Variants in NT5E observed in about 807,000 individuals in gnomAD.
NT5E encodes 5'-nucleotidase ecto.
NT5E carries 53 observed loss-of-function variants against 55.1 expected under a neutral mutation model. The ratio of observed to expected loss-of-function variants is 0.96; its 90% CI spans 0.77 to 1.21. NT5E has a LOEUF of 1.21. Ranked by LOEUF, NT5E falls within the 50% of genes most tolerant of loss-of-function variation. The probability of loss-of-function intolerance (pLI) is 0.00; values close to 1 mark genes in which losing one functional copy is unlikely to be tolerated. For missense variants in NT5E, 683 were observed against 724.3 expected, an observed-to-expected ratio of 0.94 and a Z score of 0.65; for synonymous variants, 270 against 278.4, an observed-to-expected ratio of 0.97 and a Z score of 0.30.
chr6:85,470,381 A>G (rs1562139659), intron 2 of NT5E, among the ~76,000 whole-genome samples: 1 of 152,218 alleles, frequency 6.6e-6, no homozygotes, highest in Non-Finnish European at 1.5e-5. Context: ...TCCCAGTGCC[A>G]GCAACATTTA....
chr6:85,471,000 A>C (rs913511802), intron 2 of NT5E, among the ~76,000 whole-genome samples: 3 of 152,254 alleles, frequency 2.0e-5, no homozygotes, highest in African/African-American at 7.2e-5. Flanking sequence ...AAGTTCAAGC[A>C]AAACAATATC....
chr6:85,471,132 A>G (rs1160382640), intron 2 of NT5E, 105 bp from the exon 3 acceptor site: 1 of 726,422 alleles, frequency 1.4e-6, no homozygotes, highest in Non-Finnish European at 2.2e-6. Context: ...CTGACTCTTG[A>G]GCTTTAGTAA....
rs929682681 is a variant in NT5E at position 85,469,038 on chromosome 6, G to A, written c.562+1756G>A. ...CGGCCTGGTGTGGGTTCTTCCTACA[G>A]TTCTTTGACCCTAATCAAGCCCAGT... On this transcript the variant is annotated intron_variant, in intron 2 of 8. Coordinates refer to ENST00000257770, the MANE Select transcript of NT5E (RefSeq NM_002526.4). Among the ~76,000 whole-genome samples the A allele has an allele frequency of 2.6e-5, 4 of 152,242 alleles. No individual in the cohort carries two copies. The South Asian group carries it at 8.3e-4, about 32-fold the overall frequency.
intron 3 of NT5E, among the ~76,000 whole-genome samples, chr6:85,473,935 A>G (rs1474869463): frequency 6.6e-6 from 1 of 152,196 alleles, no homozygotes; most frequent in Non-Finnish European, 1.5e-5. Flanking sequence ...ACAATTAGTC[A>G]TTCATAGCCT....
In NT5E at chr6:85,476,903, G is replaced by A. The variant is rs144869765; in HGVS notation, c.751+5478G>A. ...GGGTTTTTATGGGGACAGGATGGGGGGCAGGGCGGGCCAGGGTGATTTTGG... is the reference window on the plus strand; with the variant it reads ...GGGTTTTTATGGGGACAGGATGGGGAGCAGGGCGGGCCAGGGTGATTTTGG... On this transcript the variant is annotated intron_variant, in intron 3 of 8. Transcript: ENST00000257770. Among the ~76,000 whole-genome samples the A allele has an allele frequency of 3.7e-3, 558 of 152,264 alleles. 4 individuals are homozygous for A. The highest frequency in any genetic ancestry group is 0.013 in the African/African-American group (525 of 41,542).
chr6:85,484,054 G>C (rs143338421), intron 3 of NT5E, among the ~76,000 whole-genome samples: 3 of 152,338 alleles, frequency 2.0e-5, no homozygotes, highest in Non-Finnish European at 4.4e-5. Context: ...CCTGCCCCAT[G>C]GGAAGCTTGG....
chr6:85,464,702 G>A lies in NT5E; in HGVS notation c.340-2358G>A, dbSNP rs570605795. ...TGGCAGCAATATAAAGAATAGTTTA[G>A]CAAAAGAAATGAGAATAGCTGGAAA... On this transcript the variant is annotated intron_variant, in intron 1 of 8. Coordinates refer to ENST00000257770, the MANE Select transcript of NT5E (RefSeq NM_002526.4). 2.6e-5 allele frequency among the ~76,000 whole-genome samples: 4 copies of A among 152,294 alleles called. No individual in the cohort carries two copies. In the South Asian group the frequency reaches 8.3e-4, roughly 32 times the overall value.
At chr6:85,458,711 G>A (rs1769034706) in intron 1 of NT5E, among the ~76,000 whole-genome samples, 1 of 152,092 alleles carries the variant, frequency 6.6e-6, no homozygotes, top group South Asian at 2.1e-4. Flanking sequence ...GAGCCCTCTA[G>A]CCCCTCAGAG....
intron 6 of NT5E, 26 bp downstream of exon 6, chr6:85,489,625 G>GAGAGAGAACATGACACAC: frequency 6.7e-7 from 1 of 1,498,204 alleles, no homozygotes; most frequent in Non-Finnish European, 9.3e-7. Context: ...CAGCTCCTCA[G>GAGAGAGAACATGACACAC]TGTGTCATGT....
intron 3 of NT5E, among the ~76,000 whole-genome samples, chr6:85,481,940 A>G (rs1426530640): frequency 6.6e-6 from 1 of 152,260 alleles, no homozygotes; most frequent in Admixed American, 6.5e-5. Flanking sequence ...ACCTAGGCAC[A>G]AGATAGTAGT....
chr6:85,475,467 A>T (rs753911052), intron 3 of NT5E, among the ~76,000 whole-genome samples: 38 of 152,380 alleles, frequency 2.5e-4, no homozygotes, highest in Non-Finnish European at 4.1e-4. Context: ...CCAGTCTAAC[A>T]TCAGAGTGAA....
chr6:85,467,904 C>T (rs1230937158), intron 2 of NT5E, among the ~76,000 whole-genome samples: 2 of 151,532 alleles, frequency 1.3e-5, no homozygotes, highest in East Asian at 1.9e-4. Context: ...ATATATGACA[C>T]ATATACATAC....
chr6:85,485,136 C>T lies in NT5E; in HGVS notation c.752-99C>T. The T allele has an allele frequency of 2.6e-6, 3 of 1,135,564 alleles. No individual in the cohort carries two copies. The Admixed American group carries it at 5.5e-5, about 21-fold the overall frequency. The allele number at this position is 1,135,564 out of a possible 1,614,324, so 70.3% of individuals were successfully genotyped here. ...TGTAGAGCAACAGATGGCAAATCAT[C>T]AATTTAAAACTCTGTCATCCAGCCA... On this transcript the variant is annotated intron_variant, in intron 3 of 8. Transcript: ENST00000257770.
At position 85,492,157 on chromosome 6, in the gene NT5E, AATT is replaced by A; in HGVS notation, c.1546_1548del (p.Leu516del). On this transcript the variant is annotated inframe_deletion, in exon 8 of 9. Transcript: ENST00000257770. ...GATGGGTTCCAGATGATAAAAGATG[AATT>A]ATTAAGACATGACTCTGGTAAGCAT... The A allele has an allele frequency of 1.9e-6, 3 of 1,614,090 alleles. No individual in the cohort carries two copies. The highest frequency in any genetic ancestry group is 1.7e-6 in the Non-Finnish European group (2 of 1,179,952).
chr6:85,451,850 T>C (rs1488236246), intron 1 of NT5E, among the ~76,000 whole-genome samples: 1 of 152,120 alleles, frequency 6.6e-6, no homozygotes, highest in Non-Finnish European at 1.5e-5. Flanking sequence ...GAGGGCACCA[T>C]TGTTTGGTTT....
chr6:85,462,438 C>T (rs1426015385), intron 1 of NT5E, among the ~76,000 whole-genome samples: 1 of 152,148 alleles, frequency 6.6e-6, no homozygotes, highest in Non-Finnish European at 1.5e-5. Flanking sequence ...AGCACCAAAT[C>T]ACCTGGATGC....
intron 2 of NT5E, among the ~76,000 whole-genome samples, chr6:85,470,531 G>C (rs1355820467): frequency 7.2e-5 from 11 of 152,174 alleles, no homozygotes; most frequent in Admixed American, 7.2e-4. Flanking sequence ...GCTCATTGCA[G>C]CCTCCGCCTG....
intron 3 of NT5E, among the ~76,000 whole-genome samples, chr6:85,484,673 G>A (rs1258466795): frequency 1.3e-5 from 2 of 152,100 alleles, no homozygotes; most frequent in East Asian, 1.9e-4. Flanking sequence ...TTTAAGCTCC[G>A]AAGTATATGT....
chr6:85,465,740 TG>T (rs1377579070), intron 1 of NT5E, among the ~76,000 whole-genome samples: 11 of 152,180 alleles, frequency 7.2e-5, no homozygotes, highest in African/African-American at 2.7e-4. Context: ...GGGACAGCAC[TG>T]AGCAGGAGAG....
Sources: gnomAD v4.1 joint callset for allele counts (sites outside exome capture counted in the v4.1 genomes callset) on GRCh38, gnomAD v4.1.1 for gene constraint, MANE v1.5 for transcripts, NCBI Gene and HGNC (gene_info 2026-07-23, HGNC 2026-07-21) for gene names.